MYH6: variants seen among roughly 807,000 people sequenced by gnomAD.
MYH6 encodes the protein myosin heavy chain 6.
Under a neutral mutation model 223.2 loss-of-function variants are expected in MYH6, and 126 were observed. That is an observed-to-expected ratio of 0.56 (90% confidence interval 0.49 to 0.65). The LOEUF is 0.65. MYH6 is among the 30% of genes least tolerant of loss of function. MYH6 has a pLI of 0.00. For synonymous variants in MYH6, 978 were observed against 1,010.2 expected (o/e 0.97, Z 0.61); for missense variants, 2,040 against 2,536.4 (o/e 0.80, Z 4.20).
intron 25 of MYH6, among the ~76,000 whole-genome samples, chr14:23,390,752 A>C (rs1891215892): frequency 6.6e-6 from 1 of 152,174 alleles, no homozygotes; most frequent in Non-Finnish European, 1.5e-5. Flanking sequence ...TGCAGCCCCA[A>C]ATCCTGAGAA....
chr14:23,389,586 C>T lies in MYH6; in HGVS notation c.3859+7G>A, dbSNP rs748958937. On this transcript the variant is annotated splice_region_variant and intron_variant, in intron 27 of 38. Coordinates refer to ENST00000405093, the MANE Select transcript of MYH6 (RefSeq NM_002471.4). ...CCCTAGGCAGGGGGTTGGTTAGGGGCACCCACCATTCTCGGTCTGCAGCTT... is the reference window on the plus strand; with the variant it reads ...CCCTAGGCAGGGGGTTGGTTAGGGGTACCCACCATTCTCGGTCTGCAGCTT... 9.9e-6 allele frequency: 16 copies of T among 1,614,102 alleles called. No individual in the cohort carries two copies. Among genetic ancestry groups the T allele is most frequent in the South Asian group, 5.5e-5 (5 of 91,084 alleles).
intron 11 of MYH6, 38 bp downstream of exon 11, chr14:23,402,658 TG>T: frequency 6.2e-7 from 1 of 1,613,182 alleles, no homozygotes; most frequent in Non-Finnish European, 8.5e-7. Context: ...CAGGAGCTCC[TG>T]GGGTCCCTCG....
Position 23,389,029 on chromosome 14 carries a change from C to T in MYH6, c.4005G>A (p.Leu1335=). 6.2e-7 allele frequency: 1 copy of T among 1,601,974 alleles called. No homozygotes were observed. The highest frequency in any genetic ancestry group is 1.1e-5 in the South Asian group (1 of 90,636). The change falls in exon 29 of 39, where the codon CTG becomes CTA. Residue 1335 remains leucine (L), a synonymous_variant. Transcript: ENST00000405093. ...GGTCGCAGTCATGCCGGGCCGACTGCAGTGCATGGGCCAGGGCGTTCTTCG... is the reference window on the plus strand; with the variant it reads ...GGTCGCAGTCATGCCGGGCCGACTGTAGTGCATGGGCCAGGGCGTTCTTCG... ...GKAKNALAHA[L]QSARHDCDLL...
intron 29 of MYH6, 189 bp downstream of exon 29, chr14:23,388,670 G>A: frequency 1.0e-6 from 1 of 992,748 alleles, no homozygotes; most frequent in Non-Finnish European, 1.6e-6. Context: ...CCCGTCACAG[G>A]AAGTGGGTCA....
intron 23 of MYH6, 31 bp from the exon 24 acceptor site, chr14:23,393,088 G>A (rs1183306624): frequency 1.2e-6 from 2 of 1,613,926 alleles, no homozygotes. Flanking sequence ...AGCAAAGTGT[G>A]GAAAACATGA....
intron 36 of MYH6, 92 bp from the exon 37 acceptor site, chr14:23,383,412 C>T: frequency 2.0e-6 from 2 of 979,260 alleles, no homozygotes; most frequent in African/African-American, 1.6e-5. Flanking sequence ...CTCCCCTTGC[C>T]TTTGCTGCCC....
In MYH6 at chr14:23,392,660, A is replaced by C; in HGVS notation, c.3252-8T>G. 4 of 822,042 alleles carry C rather than the reference A, an allele frequency of 4.9e-6. No homozygotes were observed. Among genetic ancestry groups the C allele is most frequent in the Non-Finnish European group, 7.7e-6 (4 of 516,948 alleles). The allele number at this position is 822,042 out of a possible 1,614,324, so 50.9% of individuals were successfully genotyped here. A position where few individuals can be genotyped will look rare whatever the true frequency, so the allele number is the denominator to read the frequency against. On this transcript the variant is annotated splice_polypyrimidine_tract_variant and splice_region_variant and intron_variant, in intron 24 of 38. Coordinates refer to ENST00000405093, the MANE Select transcript of MYH6 (RefSeq NM_002471.4). ...TTAATGTCAAACTCCTTCCTGCAGG[A>C]GAAGGGTGGGGGTGGGGGAGTGACA...
chr14:23,401,770 C>T lies in MYH6; in HGVS notation c.1141+694G>A, dbSNP rs551979623. On this transcript the variant is annotated intron_variant, in intron 12 of 38. Transcript: ENST00000405093. ...TGAGAGTATATCAGACAGTACCACG[C>T]TCCTACCCCCAGCCATCCAAATGTG... Among the ~76,000 whole-genome samples the T allele has an allele frequency of 2.0e-5, 3 of 152,350 alleles. No individual in the cohort carries two copies. The South Asian group carries it at 6.2e-4, about 32-fold the overall frequency.
rs373888186 is a variant in MYH6 at position 23,386,609 on chromosome 14, G to C, written c.4665C>G (p.His1555Gln). 2 of 1,610,140 alleles carry C rather than the reference G, an allele frequency of 1.2e-6. No homozygotes were observed. Among genetic ancestry groups the C allele is most frequent in the Admixed American group, 3.3e-5 (2 of 59,934 alleles). ...ALEEAEASLEHEEGKILRAQL... is the reference protein window; with the variant it reads ...ALEEAEASLEQEEGKILRAQL... ...GGGCCCGGAGGATCTTGCCCTCCTCGTGCTCCAGGGAGGCCTGGGAAGGGG... is the reference window on the plus strand; with the variant it reads ...GGGCCCGGAGGATCTTGCCCTCCTCCTGCTCCAGGGAGGCCTGGGAAGGGG... Residue 1555 changes from histidine (H) to glutamine (Q), a missense_variant, in exon 33 of 39, where the codon CAC becomes CAG. Around this residue, in one of 4 missense-constraint regions of MYH6, gnomAD observed 1,203 missense variants for 1,400.2 expected, o/e 0.86. Transcript: ENST00000405093.
chr14:23,398,646 G>A, intron 15 of MYH6, 82 bp downstream of exon 15: 5 of 1,514,228 alleles, frequency 3.3e-6, no homozygotes, highest in Non-Finnish European at 4.6e-6. Context: ...TGCCTATGGA[G>A]TCATGTGCTT....
rs772072532 is a variant in MYH6 at position 23,383,186 on chromosome 14, G to C, written c.5661+39C>G. On this transcript the variant is annotated intron_variant, in intron 37 of 38. Coordinates refer to ENST00000405093, the MANE Select transcript of MYH6 (RefSeq NM_002471.4). ...TATTCATTGGTTCTCACAAATAGTAGGTGTGTTGATGAGAAAGGGAAGAAA... is the reference window on the plus strand; with the variant it reads ...TATTCATTGGTTCTCACAAATAGTACGTGTGTTGATGAGAAAGGGAAGAAA... The C allele has an allele frequency of 2.0e-6, 3 of 1,505,012 alleles. No homozygotes were observed. In the East Asian group the frequency reaches 6.8e-5, roughly 34 times the overall value. 93.2% of individuals were successfully genotyped at this position (1,505,012 alleles called of 1,614,324 possible). A position where few individuals can be genotyped will look rare whatever the true frequency, so the allele number is the denominator to read the frequency against.
chr14:23,405,599 G>C lies in MYH6; in HGVS notation c.345+28C>G, dbSNP rs751180666. On this transcript the variant is annotated intron_variant, in intron 4 of 38. Coordinates refer to ENST00000405093, the MANE Select transcript of MYH6 (RefSeq NM_002471.4). The surrounding 1 kb of genome is among the most constrained non-coding windows in gnomAD (Gnocchi z 4.7). ...TTTAGGCCTCCACGCAGCACAGGAA[G>C]CCTCTGCAGTGTGCAGGAGCCACTC... The C allele has an allele frequency of 6.2e-7, 1 of 1,614,106 alleles. No individual in the cohort carries two copies. The highest frequency in any genetic ancestry group is 8.5e-7 in the Non-Finnish European group (1 of 1,179,978).
chr14:23,383,798 C>T (rs951742920), intron 36 of MYH6, among the ~76,000 whole-genome samples: 4 of 152,214 alleles, frequency 2.6e-5, no homozygotes, highest in Non-Finnish European at 4.4e-5. Flanking sequence ...CTGGCTCCAA[C>T]GTCACTCGAT....
At chr14:23,392,853 A>G (rs1413143152) in intron 24 of MYH6, 59 bp downstream of exon 24, 2 of 1,606,896 alleles carry the variant, frequency 1.2e-6, no homozygotes, top group African/African-American at 1.3e-5. Flanking sequence ...AGCACCCTGC[A>G]CTCTATCTAC....
chr14:23,388,715 G>A (rs1891123577), intron 29 of MYH6, 144 bp downstream of exon 29: 1 of 1,292,984 alleles, frequency 7.7e-7, no homozygotes, highest in Non-Finnish European at 1.1e-6. Flanking sequence ...AAGAGTTCAG[G>A]CTTTCTTCCA....
chr14:23,387,733 C>T (rs1428192649), intron 31 of MYH6, 25 bp downstream of exon 31: 1 of 1,614,148 alleles, frequency 6.2e-7, no homozygotes, highest in Admixed American at 1.7e-5. Flanking sequence ...CAACTCATCT[C>T]TGGCCTCTTG....
chr14:23,386,764 C>T, intron 32 of MYH6, 141 bp from the exon 33 acceptor site: 1 of 1,032,692 alleles, frequency 9.7e-7, no homozygotes, highest in South Asian at 1.6e-5. Flanking sequence ...GATCTGCACC[C>T]CATGCCCACC....
rs199991523 is a variant in MYH6, at chr14:23,393,648, A to C, written c.2928+18T>G. On this transcript the variant is annotated intron_variant, in intron 22 of 38. Transcript: ENST00000405093. ...TCTTGAGGAGACCTGGGCTGAAGCC[A>C]GAGGGAGCTGCCCTCACCTTGTTCT... 1.2e-6 allele frequency: 2 copies of C among 1,614,218 alleles called. No homozygotes were observed. Among genetic ancestry groups the C allele is most frequent in the African/African-American group, 2.7e-5 (2 of 75,052 alleles).
chr14:23,398,656 T>C, intron 15 of MYH6, 72 bp downstream of exon 15: 1 of 1,556,280 alleles, frequency 6.4e-7, no homozygotes, highest in Non-Finnish European at 8.9e-7. Context: ...GTCATGTGCT[T>C]TGAAGCAGCA....
Sources: allele counts gnomAD v4.1 joint callset (sites outside exome capture counted in the v4.1 genomes callset), GRCh38; gene constraint gnomAD v4.1.1; regional missense constraint gnomAD v4.1.1; non-coding constraint Gnocchi (gnomAD v3.1); transcripts MANE v1.5; gene names NCBI Gene and HGNC (gene_info 2026-07-23, HGNC 2026-07-21).